Variants in IFT172 observed in about 807,000 individuals in gnomAD.
The protein encoded by IFT172 is intraflagellar transport protein 172 homolog.
Under a neutral mutation model 248.9 loss-of-function variants are expected in IFT172, and 164 were observed. The observed-to-expected ratio is 0.66, with a 90% confidence interval of 0.58 to 0.75. The LOEUF (loss-of-function observed/expected upper bound fraction) is 0.75, where lower values mean the gene tolerates loss of function less well. Among genes scored for constraint, IFT172 ranks in the 30% least tolerant of loss-of-function variants. The pLI is 0.00. For synonymous variants in IFT172, 729 were observed against 791.6 expected (o/e 0.92, Z 1.33); for missense variants, 1,950 against 2,192.4 (o/e 0.89, Z 2.21).
Position 27,465,515 on chromosome 2 carries a change from T to G in IFT172, c.1833A>C (p.Ala611=). 1 of 1,614,088 alleles carries G rather than the reference T, an allele frequency of 6.2e-7. No individual in the cohort carries two copies. The highest frequency in any genetic ancestry group is 8.5e-7 in the Non-Finnish European group (1 of 1,179,966). Residue 611 remains alanine (A), a synonymous_variant, in exon 18 of 48, where the codon GCA becomes GCC. Coordinates refer to ENST00000260570, the MANE Select transcript of IFT172 (RefSeq NM_015662.3). The part of the protein sequence containing the change: ...TAIDDGNYIR[A]TAFLETLEMT... The stretch of plus-strand genomic sequence containing the variant: ...TTTCCAGAGTCTCTAAGAAGGCTGT[T>G]GCCCTGGAAAGGGAAGGAAGCAAAG...
chr2:27,483,475 C>T, intron 6 of IFT172, 99 bp from the exon 7 acceptor site: 1 of 1,419,684 alleles, frequency 7.0e-7, no homozygotes, highest in Non-Finnish European at 9.9e-7. Flanking sequence ...GTGCTTCCTG[C>T]TACCAGTTCT....
Position 27,445,642 on chromosome 2 carries a change from T to C in IFT172, c.4914+103A>G, listed in dbSNP as rs1665008554. On this transcript the variant is annotated intron_variant, in intron 45 of 47. Coordinates refer to ENST00000260570, the MANE Select transcript of IFT172 (RefSeq NM_015662.3). This position sits in a 1 kb window ranked among gnomAD's most constrained non-coding sequence, Gnocchi z 4.4. ...GCTTCTACTTTCACTGAAAAAACAG[T>C]GAGGGCTGAGGTCCTTCCAAAGATG... The C allele has an allele frequency of 3.5e-6, 5 of 1,422,540 alleles. No individual in the cohort carries two copies. The highest frequency in any genetic ancestry group is 2.0e-5 in the Admixed American group (1 of 50,102). 88.1% of individuals were successfully genotyped at this position (1,422,540 alleles called of 1,614,324 possible). A position where few individuals can be genotyped will look rare whatever the true frequency, so the allele number is the denominator to read the frequency against.
intron 1 of IFT172, among the ~76,000 whole-genome samples, chr2:27,489,310 G>T (rs1367555747): frequency 6.6e-6 from 1 of 152,178 alleles, no homozygotes; most frequent in Non-Finnish European, 1.5e-5. Flanking sequence ...GCTTACATGT[G>T]CACCTCACCC....
At chr2:27,449,449 T>C in intron 38 of IFT172, 50 bp downstream of exon 38, 1 of 1,611,128 alleles carries the variant, frequency 6.2e-7, no homozygotes, top group Middle Eastern at 1.7e-4. Context: ...GGAGAGAGTC[T>C]TGTGAGTCTC....
intron 7 of IFT172, among the ~76,000 whole-genome samples, 168 bp from the exon 8 acceptor site, chr2:27,481,428 CACACACACACACACACACACACACAT>C (rs1414465685): frequency 7.5e-6 from 1 of 133,206 alleles, no homozygotes; most frequent in Non-Finnish European, 1.6e-5. Context: ...CAAATTGTCA[CACACACACACACACACACACACACAT>C]ACACACACAC....
At chr2:27,452,033 T>C (rs1665724120) in intron 35 of IFT172, among the ~76,000 whole-genome samples, 1 of 151,854 alleles carries the variant, frequency 6.6e-6, no homozygotes, top group Non-Finnish European at 1.5e-5. Context: ...TATGTATCAA[T>C]TTGGGCTACA....
At chr2:27,449,465 G>T (rs755268876) in intron 38 of IFT172, 34 bp downstream of exon 38, 2 of 1,613,884 alleles carry the variant, frequency 1.2e-6, no homozygotes, top group Non-Finnish European at 1.7e-6. Context: ...GTCTCTCCCT[G>T]CATTCTGCCT....
Position 27,445,586 on chromosome 2 carries a change from G to T in IFT172, c.4915-137C>A. ...AGCCACGAATCCTCCTTGGATTGGG[G>T]GATGCAGTCACAGCCTTTTCTTTCT... On this transcript the variant is annotated intron_variant, in intron 45 of 47. Transcript: ENST00000260570. The surrounding 1 kb of genome is among the most constrained non-coding windows in gnomAD (Gnocchi z 4.4). 7.8e-7 allele frequency: 1 copy of T among 1,289,566 alleles called. No individual in the cohort carries two copies. The highest frequency in any genetic ancestry group is 1.1e-6 in the Non-Finnish European group (1 of 934,946). 79.9% of individuals were successfully genotyped at this position (1,289,566 alleles called of 1,614,324 possible).
chr2:27,477,128 G>T, intron 13 of IFT172, 89 bp downstream of exon 13: 2 of 1,198,928 alleles, frequency 1.7e-6, no homozygotes, highest in Non-Finnish European at 2.5e-6. Flanking sequence ...CCTGGCTGAA[G>T]CTTTTGGATT....
Position 27,489,740 on chromosome 2 carries a change from C to T in IFT172, c.-87G>A. The T allele has an allele frequency of 1.9e-6, 2 of 1,031,686 alleles. No homozygotes were observed. The highest frequency in any genetic ancestry group is 3.0e-6 in the Non-Finnish European group (2 of 675,376). The allele number at this position is 1,031,686 out of a possible 1,614,324, so 63.9% of individuals were successfully genotyped here. On this transcript the variant is annotated 5_prime_UTR_variant, in exon 1 of 48. Transcript: ENST00000260570. The stretch of plus-strand genomic sequence containing the variant: ...CCCGCCACGCAGCCGCAGCGACAGG[C>T]ACTGACGCTTATGCGACCGGAGCGC...
chr2:27,472,611 C>G (rs1020521864), intron 14 of IFT172, among the ~76,000 whole-genome samples: 29 of 152,166 alleles, frequency 1.9e-4, no homozygotes, highest in Admixed American at 1.8e-3. Context: ...CTCACAGAAT[C>G]CCCTCGAAGG....
At chr2:27,459,562 G>A (rs1443701206) in intron 24 of IFT172, 40 bp from the exon 25 acceptor site, 2 of 1,610,756 alleles carry the variant, frequency 1.2e-6, no homozygotes, top group Non-Finnish European at 1.7e-6. Flanking sequence ...TAGGATGAAA[G>A]ATGAAGATGA....
At position 27,454,090 on chromosome 2, in the gene IFT172, C is replaced by G; in HGVS notation, c.3603G>C (p.Glu1201Asp). The G allele has an allele frequency of 6.2e-7, 1 of 1,614,110 alleles. No homozygotes were observed. Residue 1201 changes from glutamate to aspartate, a missense_variant, in exon 33 of 48, where the codon GAG (glutamate) becomes GAC (aspartate). This residue lies in a region of IFT172 where 620 missense variants were observed against 699.0 expected (regional missense o/e 0.89). Transcript: ENST00000260570. The surrounding 1 kb of genome is among the most constrained non-coding windows in gnomAD (Gnocchi z 4.2). ...CCCCCCGGGCCTGTCCCACAAGCAC[C>G]TCGGCGACACTGTCAGGGTCGTGAG... ...AEAHDPDSVAEVLVGQARGAL... is the reference protein window; with the variant it reads ...AEAHDPDSVADVLVGQARGAL...
chr2:27,444,649 G>C, intron 47 of IFT172, 128 bp from the exon 48 acceptor site: 1 of 631,040 alleles, frequency 1.6e-6, no homozygotes, highest in Non-Finnish European at 2.5e-6. Flanking sequence ...TGTGTATGTG[G>C]GTTTTTTGTT....
intron 1 of IFT172, among the ~76,000 whole-genome samples, chr2:27,488,004 A>AGG (rs2148564315): frequency 6.9e-6 from 1 of 145,498 alleles, no homozygotes; most frequent in East Asian, 2.1e-4. Context: ...TATTTTTAAG[A>AGG]CACAGCCTCA....
At position 27,445,949 on chromosome 2, in the gene IFT172, G is replaced by T. The variant is rs186020523; in HGVS notation, c.4795C>A (p.Arg1599Ser). 1.2e-6 allele frequency: 2 copies of T among 1,614,224 alleles called. No individual in the cohort carries two copies. The highest frequency in any genetic ancestry group is 1.3e-5 in the African/African-American group (1 of 75,056). Residue 1599 changes from arginine (R) to serine (S), a missense_variant, in exon 44 of 48, where the codon CGC (arginine) becomes AGC (serine). Arg to Ser is a moderately radical substitution (Grantham distance 110). This residue lies in a region of IFT172 where 620 missense variants were observed against 699.0 expected (regional missense o/e 0.89). Transcript: ENST00000260570. The surrounding 1 kb of genome is among the most constrained non-coding windows in gnomAD (Gnocchi z 4.4). ...CTCACATCGGTCAGGTCCAAAAAGC[G>T]ATTGAGGAAGATGAATGCCATGTTA... Reference protein sequence around the residue: ...WDNMAFIFLNRFLDLTDAIEE... With the variant: ...WDNMAFIFLNSFLDLTDAIEE...
rs1666641246 is a variant in IFT172 at position 27,461,263 on chromosome 2, G to A, written c.2442+6C>T. 2 of 1,613,930 alleles carry A rather than the reference G, an allele frequency of 1.2e-6. No homozygotes were observed. The highest frequency in any genetic ancestry group is 1.7e-6 in the Non-Finnish European group (2 of 1,179,852). ...GATAAGGGCTAGGAAAAGGAAGCCA[G>A]CATACCCTTTCGTAGAGTTCCCCCT... On this transcript the variant is annotated splice_donor_region_variant and intron_variant, in intron 22 of 47. Coordinates refer to ENST00000260570, the MANE Select transcript of IFT172 (RefSeq NM_015662.3).
chr2:27,465,644 G>T, intron 17 of IFT172, 102 bp downstream of exon 17: 1 of 1,545,592 alleles, frequency 6.5e-7, no homozygotes, highest in South Asian at 1.1e-5. Context: ...CAGGATCACT[G>T]GATCCTTATT....
intron 1 of IFT172, 122 bp downstream of exon 1, chr2:27,489,493 C>A: frequency 1.4e-6 from 1 of 692,550 alleles, no homozygotes; most frequent in Non-Finnish European, 2.5e-6. Flanking sequence ...AGATCCAGAT[C>A]ATCGCTATAT....
Sources: gnomAD v4.1 joint callset for allele counts (sites outside exome capture counted in the v4.1 genomes callset) on GRCh38, gnomAD v4.1.1 for gene constraint, gnomAD v4.1.1 regional missense constraint, Gnocchi (gnomAD v3.1) non-coding constraint, MANE v1.5 for transcripts, NCBI Gene and HGNC (gene_info 2026-07-23, HGNC 2026-07-21) for gene names.